The following SHISA9 variants were observed in gnomAD, a reference collection of about 807,000 sequenced individuals.
The protein encoded by SHISA9 is shisa family member 9, also known as protein shisa-9.
Under a neutral mutation model 38.0 loss-of-function variants are expected in SHISA9, and 13 were observed. The observed-to-expected ratio is 0.34, with a 90% confidence interval of 0.22 to 0.54. The LOEUF (loss-of-function observed/expected upper bound fraction) is 0.54, where lower values mean the gene tolerates loss of function less well. Among genes scored for constraint, SHISA9 ranks in the 20% least tolerant of loss-of-function variants. The pLI is 0.91. For synonymous variants in SHISA9, 275 were observed against 242.0 expected, an observed-to-expected ratio of 1.14 and a Z score of -1.27; for missense variants, 538 against 575.8, an observed-to-expected ratio of 0.93 and a Z score of 0.67.
intron 2 of SHISA9, among the ~76,000 whole-genome samples, chr16:13,128,453 C>T (rs2050279559): frequency 6.6e-6 from 1 of 151,938 alleles, no homozygotes; most frequent in Non-Finnish European, 1.5e-5. Context: ...GCTCGGTGGC[C>T]TTGAGCGCTT....
rs868371844 is a variant in SHISA9, at chr16:13,150,045, A to C, written c.692-53349A>C. Among the ~76,000 whole-genome samples the C allele has an allele frequency of 1.8e-3, 275 of 149,818 alleles. 1 individual carries two copies. Among genetic ancestry groups the C allele is most frequent in the African/African-American group, 6.5e-3 (267 of 40,808 alleles). ...TCCTCATCATTAAAAAAAAAAAAAA[A>C]AAAAAAAAAACTAGCCTGTTTTTCT... On this transcript the variant is annotated intron_variant, in intron 2 of 4. Transcript: ENST00000558583.
chr16:13,046,743 A>G (rs2073192726), intron 2 of SHISA9, among the ~76,000 whole-genome samples: 1 of 152,158 alleles, frequency 6.6e-6, no homozygotes, highest in Non-Finnish European at 1.5e-5. Flanking sequence ...CAATCCAGCC[A>G]TTATGAACGT....
intron 4 of SHISA9, among the ~76,000 whole-genome samples, chr16:13,214,619 G>A (rs2051150315): frequency 6.6e-6 from 1 of 152,212 alleles, no homozygotes; most frequent in South Asian, 2.1e-4. Flanking sequence ...ACATACCCAA[G>A]ACTGGGCAAT....
intron 2 of SHISA9, among the ~76,000 whole-genome samples, chr16:12,941,977 G>A (rs983418109): frequency 1.3e-5 from 2 of 152,172 alleles, no homozygotes; most frequent in South Asian, 2.1e-4. Context: ...GCACAGTGGC[G>A]GGTTTTGTTT....
At chr16:13,434,740 T>C in the SHISA9 span, among the ~76,000 whole-genome samples, 1 of 152,158 alleles carries the variant, frequency 6.6e-6, no homozygotes, top group African/African-American at 2.4e-5. Flanking sequence ...GTTTTATACA[T>C]AGTAAGTACT....
the SHISA9 span, among the ~76,000 whole-genome samples, chr16:13,298,680 G>A: frequency 3.9e-4 from 59 of 152,264 alleles, no homozygotes; most frequent in Middle Eastern, 3.4e-3. Flanking sequence ...TTGCCTGGGC[G>A]TTTCAGGTCA....
chr16:13,284,995 T>A, the SHISA9 span, among the ~76,000 whole-genome samples: 1 of 152,212 alleles, frequency 6.6e-6, no homozygotes, highest in Admixed American at 6.5e-5. Flanking sequence ...GTTTGATCTT[T>A]TTTTTCACTA....
chr16:13,070,722 A>G (rs1433354467), intron 2 of SHISA9, among the ~76,000 whole-genome samples: 8 of 152,216 alleles, frequency 5.3e-5, no homozygotes, highest in East Asian at 3.8e-4. Context: ...TAGCAAACCT[A>G]TGCAGTTGGT....
chr16:13,411,471 A>T, the SHISA9 span, among the ~76,000 whole-genome samples: 1 of 152,210 alleles, frequency 6.6e-6, no homozygotes, highest in Non-Finnish European at 1.5e-5. Context: ...GATAATTATG[A>T]CTTAAACACA....
At chr16:13,415,184 C>A in the SHISA9 span, among the ~76,000 whole-genome samples, 7 of 152,150 alleles carry the variant, frequency 4.6e-5, no homozygotes, top group African/African-American at 1.7e-4. Flanking sequence ...AAGGAGGCAG[C>A]TTTAGGCTAA....
chr16:13,489,020 G>A, the SHISA9 span, among the ~76,000 whole-genome samples: 3 of 152,088 alleles, frequency 2.0e-5, no homozygotes, highest in South Asian at 6.2e-4. Flanking sequence ...TGATCTGCCC[G>A]CCTCGGCCTC....
intron 2 of SHISA9, among the ~76,000 whole-genome samples, chr16:13,002,266 T>A (rs1458722347): frequency 6.6e-6 from 1 of 152,202 alleles, no homozygotes; most frequent in Non-Finnish European, 1.5e-5. Context: ...GACAGGCTTG[T>A]AAACACCACA....
chr16:13,018,126 T>A (rs2072779653), intron 2 of SHISA9, among the ~76,000 whole-genome samples: 1 of 152,228 alleles, frequency 6.6e-6, no homozygotes, highest in Non-Finnish European at 1.5e-5. Flanking sequence ...TCTGGAGCCT[T>A]GACCAGGTCA....
chr16:12,968,226 A>T (rs1001212115), intron 2 of SHISA9, among the ~76,000 whole-genome samples: 1 of 141,424 alleles, frequency 7.1e-6, no homozygotes, highest in Non-Finnish European at 1.5e-5. Context: ...AAAAAAAAAA[A>T]TCCAGAGCTC....
chr16:13,439,833 A>G, the SHISA9 span, among the ~76,000 whole-genome samples: 1 of 152,184 alleles, frequency 6.6e-6, no homozygotes, highest in African/African-American at 2.4e-5. Context: ...ACAGAGCCAT[A>G]GAGGGAAATA....
At chr16:13,425,718 C>CA in the SHISA9 span, among the ~76,000 whole-genome samples, 1 of 152,294 alleles carries the variant, frequency 6.6e-6, no homozygotes, top group South Asian at 2.1e-4. Flanking sequence ...CACTCATTCA[C>CA]ATGAACATAA....
chr16:13,072,695 C>G (rs535182179), intron 2 of SHISA9, among the ~76,000 whole-genome samples: 175 of 150,510 alleles, frequency 1.2e-3, no homozygotes, highest in African/African-American at 3.9e-3. Context: ...GAGTCTTGCT[C>G]TGTCACCCAG....
chr16:13,305,482 G>A, the SHISA9 span, among the ~76,000 whole-genome samples: 193 of 152,280 alleles, frequency 1.3e-3, no homozygotes, highest in African/African-American at 4.0e-3. Context: ...TGGGCTACAA[G>A]GACTCTGGTT....
At chr16:13,001,891 G>T (rs2072530544) in intron 2 of SHISA9, among the ~76,000 whole-genome samples, 1 of 152,130 alleles carries the variant, frequency 6.6e-6, no homozygotes, top group East Asian at 1.9e-4. Flanking sequence ...GAATAAATAG[G>T]TGATAAAAAA....
Sources: gnomAD v4.1 joint callset for allele counts (sites outside exome capture counted in the v4.1 genomes callset) on GRCh38, gnomAD v4.1.1 for gene constraint, MANE v1.5 for transcripts, NCBI Gene and HGNC (gene_info 2026-07-23, HGNC 2026-07-21) for gene names.